NOL4L: variants seen among roughly 807,000 people sequenced by gnomAD.
NOL4L encodes nucleolar protein 4-like.
In NOL4L, 7 loss-of-function variants were observed where a neutral mutation model predicts 64.5. The ratio of observed to expected loss-of-function variants is 0.11; its 90% confidence interval spans 0.06 to 0.20. The LOEUF (loss-of-function observed/expected upper bound fraction) is 0.20, where lower values mean the gene tolerates loss of function less well. Ranked by LOEUF, NOL4L falls within the 10% of genes least tolerant of loss-of-function variation. The probability of loss-of-function intolerance (pLI) is 1.00; values close to 1 mark genes in which losing one functional copy is unlikely to be tolerated. For missense variants in NOL4L, 680 were observed against 967.1 expected, an observed-to-expected ratio of 0.70 and a Z score of 3.94; for synonymous variants, 413 against 401.0, an observed-to-expected ratio of 1.03 and a Z score of -0.36.
In NOL4L at chr20:32,447,282, C is replaced by T. The variant is rs1348658746; in HGVS notation, c.*314G>A. ...GGGGTGGGATTCTAACATCAGGGTC[C>T]ACGAAGGTGATTCTAAACAGAGCTG... On this transcript the variant is annotated 3_prime_UTR_variant, in exon 11 of 11. Transcript: ENST00000621426. 1.8e-6 allele frequency: 1 copy of T among 571,104 alleles called. No individual in the cohort carries two copies. The highest frequency in any genetic ancestry group is 4.1e-5 in the East Asian group (1 of 24,316). 35.4% of individuals were successfully genotyped at this position (571,104 alleles called of 1,614,324 possible).
chr20:32,467,863 G>A (rs1462413295), intron 5 of NOL4L, among the ~76,000 whole-genome samples: 2 of 152,206 alleles, frequency 1.3e-5, no homozygotes, highest in East Asian at 3.9e-4. Context: ...GCACACAGGG[G>A]AGGGGGCCGG....
chr20:32,583,334 G>A (rs1980617265), intron 1 of NOL4L, among the ~76,000 whole-genome samples: 1 of 150,532 alleles, frequency 6.6e-6, no homozygotes, highest in African/African-American at 2.4e-5. Flanking sequence ...CCGCGGAGGG[G>A]GAGGGGGAGG....
At chr20:32,473,509 G>A (rs1216394786) in intron 5 of NOL4L, among the ~76,000 whole-genome samples, 4 of 152,132 alleles carry the variant, frequency 2.6e-5, no homozygotes, top group African/African-American at 9.7e-5. Context: ...TCCTCCTGCA[G>A]CCACTCCCTG....
chr20:32,479,222 G>T (rs921455372), intron 4 of NOL4L, among the ~76,000 whole-genome samples: 3 of 152,210 alleles, frequency 2.0e-5, no homozygotes, highest in African/African-American at 7.2e-5. Flanking sequence ...CTGTGCAGAG[G>T]GGGAAAATAC....
chr20:32,553,743 C>G (rs551488649), intron 1 of NOL4L, among the ~76,000 whole-genome samples: 1 of 152,316 alleles, frequency 6.6e-6, no homozygotes, highest in East Asian at 1.9e-4. Context: ...TCTTATGAAA[C>G]TGTCACAGAC....
At chr20:32,531,874 A>T (rs2018358979) in intron 1 of NOL4L, among the ~76,000 whole-genome samples, 1 of 152,164 alleles carries the variant, frequency 6.6e-6, no homozygotes, top group African/African-American at 2.4e-5. Context: ...GGGACCCATG[A>T]CAAAATGTGT....
Position 32,455,554 on chromosome 20 carries a change from G to A in NOL4L, c.1119+564C>T, listed in dbSNP as rs1240397019. The stretch of plus-strand genomic sequence containing the variant: ...CTACTACAGGAAACCTTAGTGGCCC[G>A]GAGGCAGCTTGTGGAAGTGTGGGGG... On this transcript the variant is annotated intron_variant, in intron 6 of 10. Coordinates refer to ENST00000621426, the MANE Select transcript of NOL4L (RefSeq NM_001256798.2). 3.3e-5 allele frequency among the ~76,000 whole-genome samples: 5 copies of A among 152,234 alleles called. No homozygotes were observed. In the East Asian group the frequency reaches 7.7e-4, roughly 23 times the overall value.
chr20:32,468,987 T>C (rs1568620565), intron 5 of NOL4L, among the ~76,000 whole-genome samples: 2 of 151,178 alleles, frequency 1.3e-5, no homozygotes, highest in African/African-American at 4.9e-5. Context: ...AAACGCTGGC[T>C]CTGGAGAGAC....
chr20:32,487,940 T>TA (rs1336055314), intron 4 of NOL4L, among the ~76,000 whole-genome samples: 33 of 152,044 alleles, frequency 2.2e-4, no homozygotes, highest in South Asian at 1.5e-3. Context: ...TTTTATTTTT[T>TA]TTTTTTTTTG....
At chr20:32,468,410 C>T (rs374657161) in intron 5 of NOL4L, among the ~76,000 whole-genome samples, 4 of 152,176 alleles carry the variant, frequency 2.6e-5, no homozygotes, top group African/African-American at 9.7e-5. Context: ...CCTGCTGCCA[C>T]GCCTCTGCCC....
intron 1 of NOL4L, among the ~76,000 whole-genome samples, chr20:32,553,448 C>A (rs984476347): frequency 2.0e-5 from 3 of 152,212 alleles, no homozygotes; most frequent in Non-Finnish European, 4.4e-5. Flanking sequence ...CCACCAGATC[C>A]CCACATGGAT....
At chr20:32,544,222 G>T (rs1446272240) in intron 1 of NOL4L, among the ~76,000 whole-genome samples, 1 of 151,988 alleles carries the variant, frequency 6.6e-6, no homozygotes, top group Non-Finnish European at 1.5e-5. Flanking sequence ...GGAGGCAGTT[G>T]GATCACTGGG....
chr20:32,485,900 A>T, intron 4 of NOL4L: 1 of 386,908 alleles, frequency 2.6e-6, no homozygotes, highest in Admixed American at 3.3e-5. Flanking sequence ...GCCAAATACA[A>T]CTGAAGTTCA....
chr20:32,508,474 G>T (rs1245204265), intron 4 of NOL4L, among the ~76,000 whole-genome samples: 1 of 152,208 alleles, frequency 6.6e-6, no homozygotes, highest in East Asian at 1.9e-4. Context: ...GAGGCCTTGA[G>T]AGCTCATTGC....
At chr20:32,456,819 C>T (rs2013584897) in intron 5 of NOL4L, among the ~76,000 whole-genome samples, 1 of 152,206 alleles carries the variant, frequency 6.6e-6, no homozygotes, top group Non-Finnish European at 1.5e-5. Flanking sequence ...CTCCTGCTGC[C>T]GGGCACTGCC....
At position 32,453,998 on chromosome 20, in the gene NOL4L, ATAG is replaced by A; in HGVS notation, c.1120-240_1120-238del. 1 of 558,452 alleles carries A rather than the reference ATAG, an allele frequency of 1.8e-6. No individual in the cohort carries two copies. The highest frequency in any genetic ancestry group is 3.2e-6 in the Non-Finnish European group (1 of 309,822). 34.6% of individuals were successfully genotyped at this position (558,452 alleles called of 1,614,324 possible). On this transcript the variant is annotated intron_variant, in intron 6 of 10. Coordinates refer to ENST00000621426, the MANE Select transcript of NOL4L (RefSeq NM_001256798.2). The surrounding 1 kb of genome is among the most constrained non-coding windows in gnomAD (Gnocchi z 5.6). ...GCTGCCGCAGGGAGGACCGACTGCAATAGTGTATGCAGAGACCTGGTTCCCGGG... is the reference window on the plus strand; with the variant it reads ...GCTGCCGCAGGGAGGACCGACTGCAATGTATGCAGAGACCTGGTTCCCGGG...
At chr20:32,539,735 A>G (rs1013792768) in intron 1 of NOL4L, among the ~76,000 whole-genome samples, 1 of 152,096 alleles carries the variant, frequency 6.6e-6, no homozygotes, top group Non-Finnish European at 1.5e-5. Flanking sequence ...CTCAGTCTGC[A>G]TATCTTCTAA....
At chr20:32,519,431 T>TA (rs766375580) in intron 3 of NOL4L, 1 of 151,868 alleles carries the variant, frequency 6.6e-6, no homozygotes, top group Non-Finnish European at 1.5e-5. Context: ...GCCACCCGGA[T>TA]AAACGGCGCG....
intron 1 of NOL4L, among the ~76,000 whole-genome samples, chr20:32,576,574 C>CT (rs1013055765): frequency 5.9e-5 from 9 of 152,198 alleles, no homozygotes; most frequent in African/African-American, 2.2e-4. Flanking sequence ...TCCCTCCACT[C>CT]TGCCTTAGTT....
Sources: allele counts gnomAD v4.1 joint callset (sites outside exome capture counted in the v4.1 genomes callset), GRCh38; gene constraint gnomAD v4.1.1; non-coding constraint Gnocchi (gnomAD v3.1); transcripts MANE v1.5; gene names NCBI Gene and HGNC (gene_info 2026-07-23, HGNC 2026-07-21).